Variants in ELMO1 observed in about 807,000 individuals in gnomAD.
The protein encoded by ELMO1 is engulfment and cell motility protein 1.
A neutral mutation model predicts 98.9 loss-of-function variants in ELMO1; 26 were observed. That is an observed-to-expected ratio of 0.26 (90% CI 0.19 to 0.36). ELMO1 has a LOEUF of 0.36. Among genes scored for constraint, ELMO1 ranks in the 10% least tolerant of loss-of-function variants. The probability of loss-of-function intolerance (pLI) is 1.00; values close to 1 mark genes in which losing one functional copy is unlikely to be tolerated. For missense variants in ELMO1, 627 were observed against 935.2 expected, an observed-to-expected ratio of 0.67 and a Z score of 4.30; for synonymous variants, 346 against 346.0, an observed-to-expected ratio of 1.00 and a Z score of 0.00.
At chr7:37,382,321 C>A (rs1010441090) in intron 1 of ELMO1, among the ~76,000 whole-genome samples, 2 of 152,190 alleles carry the variant, frequency 1.3e-5, no homozygotes, top group African/African-American at 4.8e-5. Context: ...ACCCTTCACC[C>A]GTATTTCCCA....
chr7:37,448,033 G>A (rs959258885), intron 1 of ELMO1, among the ~76,000 whole-genome samples: 1 of 152,074 alleles, frequency 6.6e-6, no homozygotes, highest in East Asian at 2.0e-4. Context: ...GTGTCCCCGG[G>A]AGGAGAGTAT....
chr7:37,184,596 C>T lies in ELMO1; in HGVS notation c.1086+26790G>A, dbSNP rs145338826. 3.9e-4 allele frequency among the ~76,000 whole-genome samples: 60 copies of T among 152,254 alleles called. 1 individual carries two copies. Among genetic ancestry groups the T allele is most frequent in the African/African-American group, 1.3e-3 (54 of 41,556 alleles). ...ATCCATTTAAATCAAACTGCTTTGG[C>T]TGAAACCTTTTACTATGTTTATGAA... On this transcript the variant is annotated intron_variant, in intron 13 of 21. Coordinates refer to ENST00000310758, the MANE Select transcript of ELMO1 (RefSeq NM_014800.11).
intron 19 of ELMO1, among the ~76,000 whole-genome samples, chr7:36,876,280 G>T (rs1339411786): frequency 6.6e-6 from 1 of 152,068 alleles, no homozygotes; most frequent in Non-Finnish European, 1.5e-5. Context: ...TTTAGCAGAA[G>T]GGACTGTCTT....
At chr7:37,292,736 T>TG (rs773915633) in intron 4 of ELMO1, among the ~76,000 whole-genome samples, 3 of 25,226 alleles carry the variant, frequency 1.2e-4, no homozygotes, top group Non-Finnish European at 2.1e-4. Flanking sequence ...GGGAGGGAGG[T>TG]GGGGGGGTCA....
chr7:37,331,187 G>T (rs2465898), intron 2 of ELMO1, among the ~76,000 whole-genome samples: 149,943 of 150,148 alleles, frequency 1, 74,869 homozygotes, highest in Middle Eastern at 1. Context: ...TTTTTTTTTT[G>T]GAGACACAGT....
chr7:37,170,586 TTC>T (rs1003286425), intron 13 of ELMO1, among the ~76,000 whole-genome samples: 3 of 151,558 alleles, frequency 2.0e-5, no homozygotes, highest in Non-Finnish European at 2.9e-5. Flanking sequence ...TTCTTTTTCT[TTC>T]TCTCTCTCTT....
chr7:37,255,853 G>A (rs957227706), intron 6 of ELMO1, among the ~76,000 whole-genome samples: 2 of 151,044 alleles, frequency 1.3e-5, no homozygotes, highest in African/African-American at 2.4e-5. Context: ...TGTTAGTGTT[G>A]CCGAGGCAGC....
intron 15 of ELMO1, among the ~76,000 whole-genome samples, chr7:37,066,002 C>T (rs1225129619): frequency 1.3e-5 from 2 of 152,186 alleles, no homozygotes; most frequent in East Asian, 1.9e-4. Context: ...ACACGTCTCA[C>T]AAGATCTGAT....
chr7:37,427,089 T>C (rs141034627), intron 1 of ELMO1, among the ~76,000 whole-genome samples: 7 of 152,194 alleles, frequency 4.6e-5, no homozygotes, highest in African/African-American at 1.7e-4. Flanking sequence ...AATACAGTAG[T>C]TCAGACCACA....
intron 16 of ELMO1, among the ~76,000 whole-genome samples, chr7:36,991,750 G>A (rs1423079675): frequency 6.6e-6 from 1 of 152,202 alleles, no homozygotes; most frequent in Non-Finnish European, 1.5e-5. Context: ...TGAGCTCTCT[G>A]TGATAAGCCT....
At chr7:37,029,958 A>C (rs1584537849) in intron 15 of ELMO1, among the ~76,000 whole-genome samples, 1 of 152,186 alleles carries the variant, frequency 6.6e-6, no homozygotes, top group South Asian at 2.1e-4. Context: ...TTATAATGAT[A>C]ATCAACCCCC....
At chr7:36,865,735 T>C (rs1331691239) in intron 20 of ELMO1, among the ~76,000 whole-genome samples, 3 of 152,238 alleles carry the variant, frequency 2.0e-5, no homozygotes, top group African/African-American at 4.8e-5. Flanking sequence ...TTTTTTGGCA[T>C]AGACATATTG....
chr7:37,230,646 C>A (rs1794122328), intron 8 of ELMO1, among the ~76,000 whole-genome samples: 1 of 152,196 alleles, frequency 6.6e-6, no homozygotes, highest in South Asian at 2.1e-4. Flanking sequence ...AATTCACATT[C>A]AGTACAACAT....
chr7:37,381,525 GACA>G (rs1802580877), intron 1 of ELMO1, among the ~76,000 whole-genome samples: 1 of 152,200 alleles, frequency 6.6e-6, no homozygotes. Flanking sequence ...CCTCTTAAGT[GACA>G]ATTCACAAGG....
At chr7:36,894,536 G>T (rs1439581875) in intron 17 of ELMO1, among the ~76,000 whole-genome samples, 1 of 152,146 alleles carries the variant, frequency 6.6e-6, no homozygotes, top group East Asian at 1.9e-4. Flanking sequence ...TAGTTTTACT[G>T]GTCAAAGAGA....
chr7:36,945,285 C>T (rs1787381693), intron 16 of ELMO1, among the ~76,000 whole-genome samples: 1 of 152,154 alleles, frequency 6.6e-6, no homozygotes, highest in African/African-American at 2.4e-5. Context: ...AATCCTCTGA[C>T]TCACTTTTAT....
At chr7:37,114,400 G>A (rs1563010130) in intron 14 of ELMO1, among the ~76,000 whole-genome samples, 1 of 152,190 alleles carries the variant, frequency 6.6e-6, no homozygotes, top group Non-Finnish European at 1.5e-5. Context: ...AGAGTCAATA[G>A]GATTGAAAGT....
At chr7:36,865,985 C>T (rs1803005241) in intron 20 of ELMO1, among the ~76,000 whole-genome samples, 1 of 152,196 alleles carries the variant, frequency 6.6e-6, no homozygotes, top group Non-Finnish European at 1.5e-5. Context: ...CTTCCTATTT[C>T]AGGTTTAAGC....
intron 1 of ELMO1, among the ~76,000 whole-genome samples, chr7:37,428,030 G>GGT (rs10681558): frequency 0.099 from 14,782 of 149,696 alleles, 853 homozygotes; most frequent in Admixed American, 0.12. Flanking sequence ...GTATGCTTGG[G>GGT]GTGTGTGTGT....
Sources: allele counts gnomAD v4.1 joint callset (sites outside exome capture counted in the v4.1 genomes callset), GRCh38; gene constraint gnomAD v4.1.1; transcripts MANE v1.5; gene names NCBI Gene and HGNC (gene_info 2026-07-23, HGNC 2026-07-21).